ATP7A: variants seen among roughly 807,000 people sequenced by gnomAD.
ATP7A encodes copper-transporting ATPase 1.
In ATP7A, 7 loss-of-function variants were observed where a neutral mutation model predicts 83.5. The observed-to-expected ratio is 0.08, with a 90% CI of 0.05 to 0.16. The LOEUF is 0.16. Ranked by LOEUF, ATP7A falls within the 10% of genes least tolerant of loss-of-function variation. The pLI is 1.00. For missense variants in ATP7A, 940 were observed against 1,120.8 expected, an observed-to-expected ratio of 0.84 and a Z score of 2.30; for synonymous variants, 354 against 395.2, an observed-to-expected ratio of 0.90 and a Z score of 1.24.
Position 77,989,584 on chromosome X carries a change from A to G in ATP7A, c.962A>G (p.Tyr321Cys), listed in dbSNP as rs1405904840. The stretch of plus-strand genomic sequence containing the variant: ...GAGAATAGGTCTGCCATTGTGAAGT[A>G]TAATGCAAGCTCAGTCACTCCAGAA... Reference protein sequence around the residue: ...SLENRSAIVKYNASSVTPESL... With the variant: ...SLENRSAIVKCNASSVTPESL... The change falls in exon 4 of 23, where the codon TAT becomes TGT. Residue 321 changes from tyrosine (Y) to cysteine (C), a missense_variant. This residue lies in a region of ATP7A where 350 missense variants were observed against 432.8 expected (regional missense o/e 0.81). Coordinates refer to ENST00000341514, the MANE Select transcript of ATP7A (RefSeq NM_000052.7). The G allele has an allele frequency of 8.3e-7, 1 of 1,210,204 alleles. No individual in the cohort carries two copies. The highest frequency in any genetic ancestry group is 1.7e-5 in the African/African-American group (1 of 57,278).
intron 2 of ATP7A, among the ~76,000 whole-genome samples, chrX:77,981,253 T>G (rs1463589299): frequency 9.0e-6 from 1 of 111,324 alleles, no homozygotes; most frequent in Non-Finnish European, 1.9e-5. Flanking sequence ...TAGAGTAACA[T>G]AGGCATTTTT....
At chrX:77,921,268 T>G (rs781993261) in intron 1 of ATP7A, among the ~76,000 whole-genome samples, 2 of 112,210 alleles carry the variant, frequency 1.8e-5, no homozygotes, top group Admixed American at 1.9e-4. Context: ...TCTGTAACTT[T>G]ATTCATGGCT....
chrX:77,984,049 T>C lies in ATP7A; in HGVS notation c.121-4193T>C, dbSNP rs1447750498. On this transcript the variant is annotated intron_variant, in intron 2 of 22. Coordinates refer to ENST00000341514, the MANE Select transcript of ATP7A (RefSeq NM_000052.7). ...AAATAAAAATAACAACATTGGTTCC[T>C]AATAAAAGATTAAGAGAAAAAGACA... 2.7e-5 allele frequency among the ~76,000 whole-genome samples: 3 copies of C among 111,894 alleles called. No homozygotes were observed. In the Admixed American group the frequency reaches 2.9e-4, roughly 11 times the overall value.
At chrX:77,987,361 G>A (rs2077642549) in intron 2 of ATP7A, among the ~76,000 whole-genome samples, 1 of 110,443 alleles carries the variant, frequency 9.1e-6, no homozygotes, top group Non-Finnish European at 1.9e-5. Flanking sequence ...TCATTTTTCA[G>A]ATGGTAGAAC....
chrX:77,954,259 C>T (rs1480414176), intron 1 of ATP7A, among the ~76,000 whole-genome samples: 1 of 111,891 alleles, frequency 8.9e-6, no homozygotes, highest in Non-Finnish European at 1.9e-5. Context: ...TCTGCCTCTG[C>T]CTCACTCTCC....
intron 1 of ATP7A, among the ~76,000 whole-genome samples, chrX:77,934,259 T>TA (rs1221494342): frequency 1.8e-5 from 2 of 109,464 alleles, no homozygotes; most frequent in East Asian, 2.8e-4. Flanking sequence ...CCTAAACATT[T>TA]AAAAAAAAAT....
At chrX:78,009,354 G>A in intron 7 of ATP7A, 91 bp downstream of exon 7, 1 of 1,003,013 alleles carries the variant, frequency 1.0e-6, no homozygotes, top group Admixed American at 2.2e-5. Context: ...TAGAGGCAAT[G>A]AAAAAAAATC....
rs782226999 is a variant in ATP7A, at chrX:77,932,023, G to A, written c.-22+21188G>A. On this transcript the variant is annotated intron_variant, in intron 1 of 22. Coordinates refer to ENST00000341514, the MANE Select transcript of ATP7A (RefSeq NM_000052.7). ...TGACCCCCCCACCTCCCTCCTGGACGGGGCGGCTGGCCTGGCGGGGGCTGA... is the reference window on the plus strand; with the variant it reads ...TGACCCCCCCACCTCCCTCCTGGACAGGGCGGCTGGCCTGGCGGGGGCTGA... Among the ~76,000 whole-genome samples, 850 of 110,232 alleles carry A rather than the reference G, an allele frequency of 7.7e-3. 3 individuals carry two copies. The highest frequency in any genetic ancestry group is 0.019 in the African/African-American group (575 of 30,293).
chrX:77,963,547 G>A (rs1424145072), intron 1 of ATP7A: 2 of 112,005 alleles, frequency 1.8e-5, no homozygotes, highest in Non-Finnish European at 3.8e-5. Flanking sequence ...TTTTAACTTT[G>A]ATGATAGCTT....
At chrX:77,929,077 C>T (rs1603370953) in intron 1 of ATP7A, among the ~76,000 whole-genome samples, 1 of 111,492 alleles carries the variant, frequency 9.0e-6, no homozygotes, top group East Asian at 2.8e-4. Flanking sequence ...GAAAAACATA[C>T]AGGAAATGGT....
chrX:78,043,662 T>C (rs1250900761), intron 21 of ATP7A, among the ~76,000 whole-genome samples: 4 of 103,228 alleles, frequency 3.9e-5, no homozygotes, highest in Non-Finnish European at 8.0e-5. Flanking sequence ...TCCAACTTTT[T>C]TTTTTTTTTT....
At chrX:77,957,186 T>C (rs2077449909) in intron 1 of ATP7A, among the ~76,000 whole-genome samples, 2 of 111,651 alleles carry the variant, frequency 1.8e-5, no homozygotes, top group South Asian at 7.4e-4. Context: ...TTTGTATGTC[T>C]TCTTTTGAGA....
At chrX:78,009,372 T>A in intron 7 of ATP7A, 109 bp downstream of exon 7, 1 of 851,991 alleles carries the variant, frequency 1.2e-6, no homozygotes, top group Non-Finnish European at 1.8e-6. Flanking sequence ...ATCTAACTCC[T>A]TTGAACACTT....
chrX:78,010,655 C>CTT (rs1557234326), intron 7 of ATP7A, among the ~76,000 whole-genome samples: 5 of 93,620 alleles, frequency 5.3e-5, no homozygotes, highest in African/African-American at 2.0e-4. Context: ...TCTCAGCTCA[C>CTT]TGCAACCTCC....
intron 1 of ATP7A, chrX:77,965,426 C>T (rs1557228584): frequency 3.1e-6 from 1 of 323,528 alleles, no homozygotes; most frequent in Non-Finnish European, 6.0e-6. Flanking sequence ...TGCTTGACAT[C>T]ATCAGTAATC....
intron 2 of ATP7A, among the ~76,000 whole-genome samples, chrX:77,974,076 A>T (rs1455099616): frequency 9.1e-6 from 1 of 110,376 alleles, no homozygotes; most frequent in Non-Finnish European, 1.9e-5. Context: ...AGCCAAACTG[A>T]CTTATCAAAC....
At chrX:78,041,130 C>T (rs1225868455) in intron 19 of ATP7A, among the ~76,000 whole-genome samples, 11 of 111,399 alleles carry the variant, frequency 9.9e-5, no homozygotes, top group Non-Finnish European at 1.7e-4. Flanking sequence ...AACTATTTTC[C>T]TAATGCACCA....
chrX:78,011,821 G>C, intron 9 of ATP7A, 147 bp downstream of exon 9: 1 of 620,934 alleles, frequency 1.6e-6, no homozygotes, highest in Non-Finnish European at 2.7e-6. Context: ...ATCTTCAACT[G>C]GGTAGTTATT....
At chrX:77,963,611 T>G (rs1209453136) in intron 1 of ATP7A, 1 of 111,684 alleles carries the variant, frequency 9.0e-6, no homozygotes, top group Non-Finnish European at 1.9e-5. Flanking sequence ...AAAAGTCTTT[T>G]TTTTTTGAGA....
Sources: gnomAD v4.1 joint callset for allele counts (sites outside exome capture counted in the v4.1 genomes callset) on GRCh38, gnomAD v4.1.1 for gene constraint, gnomAD v4.1.1 regional missense constraint, MANE v1.5 for transcripts, NCBI Gene and HGNC (gene_info 2026-07-23, HGNC 2026-07-21) for gene names.